Variants in LIMA1 observed in about 807,000 individuals in gnomAD.
LIMA1 encodes LIM domain and actin binding 1.
A neutral mutation model predicts 62.6 loss-of-function variants in LIMA1; 52 were observed. The ratio of observed to expected loss-of-function variants is 0.83; its 90% CI spans 0.67 to 1.05. The LOEUF (loss-of-function observed/expected upper bound fraction) is 1.05, where lower values mean the gene tolerates loss of function less well. Ranked by LOEUF, LIMA1 falls within the 50% of genes least tolerant of loss-of-function variation. LIMA1 has a pLI of 0.00. For synonymous variants in LIMA1, 302 were observed against 317.8 expected, an observed-to-expected ratio of 0.95 and a Z score of 0.53; for missense variants, 780 against 902.2, an observed-to-expected ratio of 0.86 and a Z score of 1.74.
At chr12:50,237,253 TG>T (rs1264354025) in intron 2 of LIMA1, among the ~76,000 whole-genome samples, 4 of 152,210 alleles carry the variant, frequency 2.6e-5, no homozygotes, top group Non-Finnish European at 5.9e-5. Flanking sequence ...ATATGTATAA[TG>T]AAATACTGTG....
At chr12:50,237,636 CA>C (rs1366494699) in intron 2 of LIMA1, among the ~76,000 whole-genome samples, 16 of 138,392 alleles carry the variant, frequency 1.2e-4, no homozygotes, top group Admixed American at 1.5e-4. Flanking sequence ...GACTCGGTCT[CA>C]AAAAAAAAAG....
intron 1 of LIMA1, among the ~76,000 whole-genome samples, chr12:50,271,612 A>G (rs2138698714): frequency 6.6e-6 from 1 of 152,308 alleles, no homozygotes; most frequent in South Asian, 2.1e-4. Flanking sequence ...ATTTAAGGTA[A>G]AGAGTAGAGA....
chr12:50,187,897 T>C (rs1167296737), intron 9 of LIMA1: 2 of 152,200 alleles, frequency 1.3e-5, no homozygotes, highest in Admixed American at 6.5e-5. Context: ...GTTTAGGGGA[T>C]GATTTCTTTC....
In LIMA1 at chr12:50,193,343, C is replaced by G. The variant is rs188912121; in HGVS notation, c.1031-782G>C. 4.6e-5 allele frequency among the ~76,000 whole-genome samples: 7 copies of G among 151,104 alleles called. No individual in the cohort carries two copies. In the East Asian group the frequency reaches 1.4e-3, roughly 29 times the overall value. ...CTCCGAAATTTTAAGGTAGGATTAA[C>G]TAGAGATCTGTTTAATTCATCATTC... is the stretch of plus-strand genomic sequence containing the variant. On this transcript the variant is annotated intron_variant, in intron 8 of 10. Transcript: ENST00000341247.
intron 1 of LIMA1, among the ~76,000 whole-genome samples, chr12:50,260,174 T>C (rs1942047804): frequency 6.6e-6 from 1 of 151,068 alleles, no homozygotes; most frequent in Non-Finnish European, 1.5e-5. Flanking sequence ...TTAGACAGAG[T>C]TTCACTCTTG....
intron 1 of LIMA1, among the ~76,000 whole-genome samples, chr12:50,257,927 A>C (rs890964018): frequency 6.6e-6 from 1 of 152,172 alleles, no homozygotes; most frequent in African/African-American, 2.4e-5. Context: ...GGTTTCATAG[A>C]TAGTTACTTT....
At chr12:50,250,214 C>A (rs1243120412) in intron 1 of LIMA1, among the ~76,000 whole-genome samples, 1 of 143,154 alleles carries the variant, frequency 7.0e-6, no homozygotes, top group Non-Finnish European at 1.5e-5. Context: ...AGGAAAATTG[C>A]TTGAGGCAGA....
intron 8 of LIMA1, among the ~76,000 whole-genome samples, chr12:50,193,621 CAT>C (rs71453826): frequency 2.1e-5 from 2 of 93,780 alleles, no homozygotes; most frequent in African/African-American, 9.2e-5. Context: ...TATATATATA[CAT>C]ATATATACGT....
At chr12:50,280,144 ATTTT>A (rs71441354) in intron 1 of LIMA1, among the ~76,000 whole-genome samples, 9 of 68,308 alleles carry the variant, frequency 1.3e-4, no homozygotes, top group African/African-American at 4.8e-4. Flanking sequence ...GGGTAGTAGT[ATTTT>A]TTTTTTTTTT....
chr12:50,274,152 C>T (rs376317454), intron 1 of LIMA1, among the ~76,000 whole-genome samples: 150 of 152,302 alleles, frequency 9.8e-4, no homozygotes, highest in African/African-American at 3.3e-3. Flanking sequence ...AAAAATACAA[C>T]ACTTTGGATT....
chr12:50,188,101 A>C (rs1326805098), intron 9 of LIMA1: 2 of 152,132 alleles, frequency 1.3e-5, no homozygotes, highest in Non-Finnish European at 2.9e-5. Context: ...ATCCTTAAAG[A>C]CCTCTATCAT....
chr12:50,259,315 C>T (rs1198989165), intron 1 of LIMA1, among the ~76,000 whole-genome samples: 1 of 152,148 alleles, frequency 6.6e-6, no homozygotes, highest in Non-Finnish European at 1.5e-5. Context: ...TTTCATAATT[C>T]CTACTCAATA....
intron 1 of LIMA1, among the ~76,000 whole-genome samples, chr12:50,274,479 G>A (rs1677320811): frequency 2.0e-5 from 3 of 152,164 alleles, no homozygotes; most frequent in South Asian, 4.2e-4. Context: ...AGCTACTTGG[G>A]AGGCTGAAGC....
In LIMA1 at chr12:50,177,053, A is replaced by T. The variant is rs1191637353; in HGVS notation, c.*11T>A. The T allele has an allele frequency of 6.5e-7, 1 of 1,535,800 alleles. No individual in the cohort carries two copies. The highest frequency in any genetic ancestry group is 8.7e-7 in the Non-Finnish European group (1 of 1,143,330). On this transcript the variant is annotated 3_prime_UTR_variant, in exon 11 of 11. Coordinates refer to ENST00000341247, the MANE Select transcript of LIMA1 (RefSeq NM_016357.5). The stretch of plus-strand genomic sequence containing the variant: ...TAACATGAATTTAAGGCCCAGCATC[A>T]TTGCAATTTGTCACTCTTCATCCTC...
chr12:50,204,928 A>C (rs1300846776), intron 5 of LIMA1, among the ~76,000 whole-genome samples: 1 of 152,184 alleles, frequency 6.6e-6, no homozygotes, highest in Non-Finnish European at 1.5e-5. Flanking sequence ...ATAATTTCAA[A>C]ATTCTAAATT....
chr12:50,266,973 C>T (rs769086317), intron 1 of LIMA1, among the ~76,000 whole-genome samples: 1 of 152,124 alleles, frequency 6.6e-6, no homozygotes, highest in South Asian at 2.1e-4. Flanking sequence ...TGGCTCACTG[C>T]AGCCTCTGCC....
chr12:50,193,562 G>GTA (rs1328010933), intron 8 of LIMA1, among the ~76,000 whole-genome samples: 1 of 102,974 alleles, frequency 9.7e-6, no homozygotes, highest in Non-Finnish European at 1.9e-5. Context: ...TATCATATAT[G>GTA]TATATATGAT....
intron 9 of LIMA1, chr12:50,186,075 T>C (rs1940624629): frequency 6.6e-6 from 1 of 152,526 alleles, no homozygotes; most frequent in Non-Finnish European, 1.5e-5. Flanking sequence ...CACTTTTCTG[T>C]AATTGCCCCC....
At chr12:50,274,195 G>A (rs567139559) in intron 1 of LIMA1, among the ~76,000 whole-genome samples, 6 of 152,268 alleles carry the variant, frequency 3.9e-5, no homozygotes, top group African/African-American at 1.4e-4. Flanking sequence ...CAAATGAAAA[G>A]TCCATCTTCA....
Sources: allele counts gnomAD v4.1 joint callset (sites outside exome capture counted in the v4.1 genomes callset), GRCh38; gene constraint gnomAD v4.1.1; transcripts MANE v1.5; gene names NCBI Gene and HGNC (gene_info 2026-07-23, HGNC 2026-07-21).